HS6ST3: variants seen among roughly 807,000 people sequenced by gnomAD.
HS6ST3 encodes heparan-sulfate 6-O-sulfotransferase 3.
A neutral mutation model predicts 36.7 loss-of-function variants in HS6ST3; 12 were observed. The ratio of observed to expected loss-of-function variants is 0.33; its 90% CI spans 0.21 to 0.53. HS6ST3 has a LOEUF of 0.53. Ranked by LOEUF, HS6ST3 falls within the 20% of genes least tolerant of loss-of-function variation. The pLI is 0.95. For missense variants in HS6ST3, 584 were observed against 640.9 expected (o/e 0.91, Z 0.96); for synonymous variants, 240 against 257.5 (o/e 0.93, Z 0.65).
intron 1 of HS6ST3, among the ~76,000 whole-genome samples, chr13:96,813,428 G>A (rs535800200): frequency 2.0e-5 from 3 of 152,128 alleles, no homozygotes; most frequent in Non-Finnish European, 4.4e-5. Context: ...GAGACCCTGG[G>A]GCACAGCCTC....
chr13:96,286,952 G>A (rs185931482), intron 1 of HS6ST3, among the ~76,000 whole-genome samples: 47 of 151,586 alleles, frequency 3.1e-4, no homozygotes, highest in Admixed American at 2.2e-3. Flanking sequence ...GTGTGTGTGC[G>A]TGTGTGTGTG....
chr13:96,738,815 T>A (rs1031346194), intron 1 of HS6ST3, among the ~76,000 whole-genome samples: 1 of 152,062 alleles, frequency 6.6e-6, no homozygotes, highest in African/African-American at 2.4e-5. Context: ...TGCAGAAAAA[T>A]CTCTTGATCA....
At chr13:96,371,617 C>T (rs1233295151) in intron 1 of HS6ST3, among the ~76,000 whole-genome samples, 1 of 152,176 alleles carries the variant, frequency 6.6e-6, no homozygotes, top group Non-Finnish European at 1.5e-5. Flanking sequence ...AACATGTCCC[C>T]ATTTCCCCCA....
At chr13:96,392,982 G>T (rs767900190) in intron 1 of HS6ST3, among the ~76,000 whole-genome samples, 7 of 152,118 alleles carry the variant, frequency 4.6e-5, no homozygotes, top group South Asian at 2.1e-4. Flanking sequence ...GCTATGGGAG[G>T]GACCTGGTGG....
intron 1 of HS6ST3, among the ~76,000 whole-genome samples, chr13:96,616,666 A>G (rs2056475389): frequency 6.6e-6 from 1 of 152,196 alleles, no homozygotes. Flanking sequence ...ACACAGAACT[A>G]TTAGAAAAAA....
intron 1 of HS6ST3, among the ~76,000 whole-genome samples, chr13:96,340,000 T>C (rs539123898): frequency 6.6e-6 from 1 of 152,342 alleles, no homozygotes; most frequent in South Asian, 2.1e-4. Flanking sequence ...TCCAGTTGCG[T>C]AAGGTGAACC....
intron 1 of HS6ST3, among the ~76,000 whole-genome samples, chr13:96,580,619 T>C (rs1044314698): frequency 1.3e-5 from 2 of 152,170 alleles, no homozygotes; most frequent in African/African-American, 4.8e-5. Flanking sequence ...GGAAAGATTT[T>C]TTTGATTAAG....
intron 1 of HS6ST3, among the ~76,000 whole-genome samples, chr13:96,453,117 G>A (rs1236069473): frequency 1.3e-5 from 2 of 150,018 alleles, no homozygotes; most frequent in Non-Finnish European, 3.0e-5. Flanking sequence ...GAAAATCCCA[G>A]TATTTTACAA....
chr13:96,496,081 G>T (rs2055974076), intron 1 of HS6ST3, among the ~76,000 whole-genome samples: 1 of 152,190 alleles, frequency 6.6e-6, no homozygotes, highest in Non-Finnish European at 1.5e-5. Flanking sequence ...AGAAGTGAGG[G>T]CAGTGAGTTA....
rs1338671054 is a variant in HS6ST3, at chr13:96,118,669, TATATATATATATATATATA to T, written c.707+27101_707+27119del. ...AGATATATATATATATATATATATA[TATATATATATATATATATA>T]TTTTTTTTTTTTTTTTTTTTTTTTT... On this transcript the variant is annotated intron_variant, in intron 1 of 1. Transcript: ENST00000376705. 5.0e-3 allele frequency among the ~76,000 whole-genome samples: 77 copies of T among 15,462 alleles called. 1 individual carries two copies. The highest frequency in any genetic ancestry group is 9.3e-3 in the East Asian group (5 of 536). The allele number at this position is 15,462 out of a possible 152,430, so 10.1% of individuals were successfully genotyped here.
chr13:96,294,399 C>A (rs973140860), intron 1 of HS6ST3, among the ~76,000 whole-genome samples: 3 of 152,048 alleles, frequency 2.0e-5, no homozygotes, highest in Non-Finnish European at 4.4e-5. Flanking sequence ...AACATTATTT[C>A]TTGGTTCACC....
chr13:96,768,046 T>C (rs560218737), intron 1 of HS6ST3, among the ~76,000 whole-genome samples: 16 of 152,258 alleles, frequency 1.1e-4, no homozygotes, highest in African/African-American at 3.9e-4. Context: ...ATCCCTAAGG[T>C]CATACCACCT....
chr13:96,344,066 T>A (rs2055142481), intron 1 of HS6ST3, among the ~76,000 whole-genome samples: 1 of 152,142 alleles, frequency 6.6e-6, no homozygotes, highest in Non-Finnish European at 1.5e-5. Flanking sequence ...TCTTTACTTG[T>A]CTCTTTATCT....
At chr13:96,612,631 A>T (rs898792958) in intron 1 of HS6ST3, among the ~76,000 whole-genome samples, 1 of 152,090 alleles carries the variant, frequency 6.6e-6, no homozygotes, top group East Asian at 1.9e-4. Flanking sequence ...CCTAGTTTGC[A>T]TATCTTATTT....
intron 1 of HS6ST3, among the ~76,000 whole-genome samples, chr13:96,556,457 T>A (rs2056241124): frequency 2.0e-5 from 3 of 151,422 alleles, no homozygotes; most frequent in African/African-American, 2.4e-5. Context: ...ATAAGCAATA[T>A]TTTATTTGGG....
intron 1 of HS6ST3, among the ~76,000 whole-genome samples, chr13:96,406,295 T>C (rs1045116441): frequency 1.3e-5 from 2 of 152,230 alleles, no homozygotes; most frequent in Non-Finnish European, 2.9e-5. Context: ...ATAAGACTTA[T>C]ACCATAATTC....
At chr13:96,379,075 T>G (rs2055328283) in intron 1 of HS6ST3, among the ~76,000 whole-genome samples, 1 of 152,184 alleles carries the variant, frequency 6.6e-6, no homozygotes, top group Non-Finnish European at 1.5e-5. Flanking sequence ...TTAACCATCC[T>G]CTTTCCATTT....
intron 1 of HS6ST3, among the ~76,000 whole-genome samples, chr13:96,688,167 A>G (rs1215110875): frequency 6.6e-6 from 1 of 150,434 alleles, no homozygotes; most frequent in Non-Finnish European, 1.5e-5. Flanking sequence ...ATGTATACAT[A>G]TGTAACAAAC....
chr13:96,384,782 A>C (rs1036122038), intron 1 of HS6ST3, among the ~76,000 whole-genome samples: 1 of 152,156 alleles, frequency 6.6e-6, no homozygotes, highest in South Asian at 2.1e-4. Context: ...GATTGCATCC[A>C]CTTACTACCC....
Sources: allele counts gnomAD v4.1 joint callset (sites outside exome capture counted in the v4.1 genomes callset), GRCh38; gene constraint gnomAD v4.1.1; transcripts MANE v1.5; gene names NCBI Gene and HGNC (gene_info 2026-07-23, HGNC 2026-07-21).